The following TRPM7 variants were observed in gnomAD, a reference collection of about 807,000 sequenced individuals.
TRPM7 encodes LTRPC ion channel family member 7.
A neutral mutation model predicts 229.7 loss-of-function variants in TRPM7; 134 were observed. The ratio of observed to expected loss-of-function variants is 0.58; its 90% confidence interval spans 0.51 to 0.67. TRPM7 has a LOEUF of 0.67. TRPM7 is among the 30% of genes least tolerant of loss of function. TRPM7 has a pLI of 0.00. For synonymous variants in TRPM7, 699 were observed against 715.2 expected, an observed-to-expected ratio of 0.98 and a Z score of 0.36; for missense variants, 1,901 against 2,210.0, an observed-to-expected ratio of 0.86 and a Z score of 2.80.
At chr15:50,586,325 CAT>C in intron 28 of TRPM7, 65 bp downstream of exon 28, 1 of 1,107,458 alleles carries the variant, frequency 9.0e-7, no homozygotes, top group Admixed American at 1.9e-5. Context: ...GTTTGACAAA[CAT>C]AAAATACATT....
intron 3 of TRPM7, among the ~76,000 whole-genome samples, chr15:50,657,492 A>T (rs566697339): frequency 5.4e-4 from 83 of 152,310 alleles, no homozygotes; most frequent in African/African-American, 2.0e-3. Context: ...GTTTCCTGAC[A>T]GAACCATGAT....
In TRPM7 at chr15:50,574,484, TA is replaced by T; in HGVS notation, c.5103-6del. On this transcript the variant is annotated splice_polypyrimidine_tract_variant and splice_region_variant and intron_variant, in intron 35 of 38. Coordinates refer to ENST00000646667, the MANE Select transcript of TRPM7 (RefSeq NM_017672.6). ...AGCAGGAAAACTTCAAGGAACCTTA[TA>T]AAAAATAGTTATAAATATTACTAGC... 4 of 1,602,678 alleles carry T rather than the reference TA, an allele frequency of 2.5e-6. No homozygotes were observed. The highest frequency in any genetic ancestry group is 3.4e-4 in the Middle Eastern group (2 of 5,970).
intron 33 of TRPM7, 43 bp downstream of exon 33, chr15:50,575,681 G>C (rs761188331): frequency 2.6e-6 from 4 of 1,520,300 alleles, no homozygotes; most frequent in Admixed American, 1.8e-5. Flanking sequence ...AATCATTAAA[G>C]GGTTAATTTT....
chr15:50,655,521 C>A, intron 3 of TRPM7, among the ~76,000 whole-genome samples: 1 of 147,090 alleles, frequency 6.8e-6, no homozygotes, highest in Non-Finnish European at 1.5e-5. Context: ...AGAATAAGTA[C>A]AAAGAGAATC....
At position 50,657,768 on chromosome 15, in the gene TRPM7, A is replaced by T. The variant is rs767216283; in HGVS notation, c.122+13T>A. 6.2e-7 allele frequency: 1 copy of T among 1,610,856 alleles called. No homozygotes were observed. Among genetic ancestry groups the T allele is most frequent in the Non-Finnish European group, 8.5e-7 (1 of 1,177,724 alleles). The stretch of plus-strand genomic sequence containing the variant: ...TTTCCGAAATTTGTGCGGTATAGTT[A>T]TGTTAAACTTACCTGACGAGTTGCT... On this transcript the variant is annotated intron_variant, in intron 3 of 38. Coordinates refer to ENST00000646667, the MANE Select transcript of TRPM7 (RefSeq NM_017672.6).
At chr15:50,605,261 T>C (rs1393845133) in intron 20 of TRPM7, 117 bp from the exon 21 acceptor site, 7 of 962,884 alleles carry the variant, frequency 7.3e-6, no homozygotes, top group African/African-American at 6.6e-5. Context: ...TATTAACTTA[T>C]TTATTTTGAG....
chr15:50,672,343 A>G (rs1446393883), intron 1 of TRPM7, among the ~76,000 whole-genome samples: 1 of 150,484 alleles, frequency 6.6e-6, no homozygotes, highest in Non-Finnish European at 1.5e-5. Context: ...GGCGTGAGCC[A>G]CCTCGCCCGG....
intron 19 of TRPM7, among the ~76,000 whole-genome samples, chr15:50,608,741 A>G (rs1185599054): frequency 1.3e-5 from 2 of 152,220 alleles, no homozygotes; most frequent in African/African-American, 4.8e-5. Flanking sequence ...ATGAAAATGA[A>G]AAAATCTCCC....
intron 22 of TRPM7, 103 bp from the exon 23 acceptor site, chr15:50,596,484 A>C: frequency 1.0e-6 from 1 of 957,214 alleles, no homozygotes; most frequent in Non-Finnish European, 1.4e-6. Context: ...ACTTAAAGTA[A>C]GTTTCGATTA....
intron 38 of TRPM7, among the ~76,000 whole-genome samples, chr15:50,564,547 G>C (rs1343219678): frequency 6.6e-6 from 1 of 151,730 alleles, no homozygotes; most frequent in South Asian, 2.1e-4. Context: ...ATATATGTAT[G>C]TTTTTATTTT....
chr15:50,677,784 C>A (rs534360713), intron 1 of TRPM7, among the ~76,000 whole-genome samples: 3 of 142,714 alleles, frequency 2.1e-5, no homozygotes, highest in African/African-American at 5.1e-5. Flanking sequence ...AGAGCCTCTA[C>A]TAAGTAACAA....
In TRPM7 at chr15:50,634,395, T is replaced by C; in HGVS notation, c.994A>G (p.Thr332Ala). 8 of 1,562,430 alleles carry C rather than the reference T, an allele frequency of 5.1e-6. No individual in the cohort carries two copies. The highest frequency in any genetic ancestry group is 6.9e-6 in the Non-Finnish European group (8 of 1,159,998). The change falls in exon 8 of 39, where the codon ACA becomes GCA. Residue 332 changes from threonine (T) to alanine (A), a missense_variant. Physicochemically the swap from Thr to Ala is moderately conservative, Grantham distance 58 (BLOSUM62 0). This residue lies in a region of TRPM7 where 794 missense variants were observed against 881.9 expected (regional missense o/e 0.90). Transcript: ENST00000646667. ...TCATACACTTACCCTCCTTCTTCTG[T>C]TTGTTTATGAATATACGCTAGCAGA... ...ADLLAYIHKQ[T>A]EEGGNLPDAA...
At chr15:50,578,251 T>C (rs1596081385) in intron 31 of TRPM7, among the ~76,000 whole-genome samples, 1 of 152,170 alleles carries the variant, frequency 6.6e-6, no homozygotes, top group East Asian at 1.9e-4. Flanking sequence ...GTGGGATGTA[T>C]AGTGGAGGAT....
At chr15:50,614,397 G>T in intron 13 of TRPM7, 134 bp from the exon 14 acceptor site, 2 of 774,784 alleles carry the variant, frequency 2.6e-6, no homozygotes, top group Non-Finnish European at 3.8e-6. Flanking sequence ...AGGTGCAGTG[G>T]CTCACGCCTG....
Position 50,586,499 on chromosome 15 carries a change from T to C in TRPM7, c.4390-11A>G. 1 of 1,555,030 alleles carries C rather than the reference T, an allele frequency of 6.4e-7. No homozygotes were observed. The highest frequency in any genetic ancestry group is 1.4e-5 in the African/African-American group (1 of 73,920). On this transcript the variant is annotated splice_polypyrimidine_tract_variant and intron_variant, in intron 27 of 38. Transcript: ENST00000646667. ...AGAAGTATTGTTATTCTGCAAATAT[T>C]GTGCAGACATATAATTTGAAAATAA...
intron 27 of TRPM7, among the ~76,000 whole-genome samples, chr15:50,587,376 T>C (rs115110244): frequency 0.013 from 1,958 of 150,524 alleles, 50 homozygotes; most frequent in African/African-American, 0.046. Flanking sequence ...TGGAAAGCCC[T>C]GAAGGCTTTA....
At chr15:50,599,069 G>T in intron 22 of TRPM7, 53 bp downstream of exon 22, 1 of 1,364,566 alleles carries the variant, frequency 7.3e-7, no homozygotes, top group Non-Finnish European at 1.0e-6. Flanking sequence ...TTCAATATTG[G>T]TTTTAAAACA....
intron 38 of TRPM7, 32 bp from the exon 39 acceptor site, chr15:50,561,840 AAAAAG>A (rs762188582): frequency 1.7e-5 from 26 of 1,505,798 alleles, no homozygotes; most frequent in East Asian, 2.4e-5. Context: ...ATTAAAAAAA[AAAAAG>A]AAAGAGAAAA....
At chr15:50,645,677 CATT>C (rs2061242273) in intron 4 of TRPM7, among the ~76,000 whole-genome samples, 1 of 152,086 alleles carries the variant, frequency 6.6e-6, no homozygotes, top group Non-Finnish European at 1.5e-5. Context: ...TTGTTTAACT[CATT>C]ATTATATTTG....
Sources: allele counts gnomAD v4.1 joint callset (sites outside exome capture counted in the v4.1 genomes callset), GRCh38; gene constraint gnomAD v4.1.1; regional missense constraint gnomAD v4.1.1; transcripts MANE v1.5; gene names NCBI Gene and HGNC (gene_info 2026-07-23, HGNC 2026-07-21).